EPB41L4A: variants seen among roughly 807,000 people sequenced by gnomAD.
EPB41L4A encodes the protein band 4.1-like protein 4A.
EPB41L4A carries 100 observed loss-of-function variants against 108.6 expected under a neutral mutation model. The ratio of observed to expected loss-of-function variants is 0.92; its 90% CI spans 0.78 to 1.09. The LOEUF (loss-of-function observed/expected upper bound fraction) is 1.09. Ranked by LOEUF, EPB41L4A falls within the 50% of genes least tolerant of loss-of-function variation. EPB41L4A has a pLI of 0.00. For missense variants in EPB41L4A, 1,030 were observed against 842.7 expected (o/e 1.22, Z -2.75); for synonymous variants, 319 against 289.0 (o/e 1.10, Z -1.05).
At chr5:112,395,824 A>G (rs193145269) in intron 1 of EPB41L4A, among the ~76,000 whole-genome samples, 118 of 152,368 alleles carry the variant, frequency 7.7e-4, no homozygotes, top group African/African-American at 2.8e-3. Context: ...TATTCACAAT[A>G]GCAAAGACTT....
chr5:112,194,660 G>GT lies in EPB41L4A; in HGVS notation c.1425-16dup. 6.3e-7 allele frequency: 1 copy of GT among 1,581,250 alleles called. No homozygotes were observed. Among genetic ancestry groups the GT allele is most frequent in the Non-Finnish European group, 8.6e-7 (1 of 1,164,024 alleles). ...GTGAACGTGACCTGAAGACAAAAAG[G>GT]TAAGAACAAAAGAAAAAACACACAT... On this transcript the variant is annotated splice_polypyrimidine_tract_variant and intron_variant, in intron 16 of 22. Coordinates refer to ENST00000261486, the MANE Select transcript of EPB41L4A (RefSeq NM_022140.5).
At chr5:112,310,624 T>G (rs1415931413) in intron 1 of EPB41L4A, among the ~76,000 whole-genome samples, 4 of 152,262 alleles carry the variant, frequency 2.6e-5, no homozygotes, top group African/African-American at 9.6e-5. Context: ...TCAAGTTCTT[T>G]TTGGGAATAA....
intron 1 of EPB41L4A, among the ~76,000 whole-genome samples, chr5:112,363,289 A>G (rs919685514): frequency 6.6e-6 from 1 of 152,124 alleles, no homozygotes; most frequent in African/African-American, 2.4e-5. Context: ...TTCATATTAT[A>G]TATTTTCAAT....
chr5:112,210,178 C>A (rs1015313393), intron 12 of EPB41L4A, 196 bp from the exon 13 acceptor site: 29 of 434,968 alleles, frequency 6.7e-5, no homozygotes, highest in Non-Finnish European at 1.0e-4. Flanking sequence ...AAACCCTCAA[C>A]ATAACAATGT....
At chr5:112,181,399 C>T in intron 18 of EPB41L4A, among the ~76,000 whole-genome samples, 1 of 152,002 alleles carries the variant, frequency 6.6e-6, no homozygotes, top group East Asian at 1.9e-4. Flanking sequence ...TTGCAGTGAG[C>T]CGAGACTGGC....
At chr5:112,386,066 T>C (rs1760506074) in intron 1 of EPB41L4A, among the ~76,000 whole-genome samples, 1 of 152,260 alleles carries the variant, frequency 6.6e-6, no homozygotes, top group African/African-American at 2.4e-5. Context: ...CATTCTATCT[T>C]TTTAAAGGCA....
intron 2 of EPB41L4A, among the ~76,000 whole-genome samples, chr5:112,301,742 T>C (rs1440519878): frequency 6.6e-6 from 1 of 152,164 alleles, no homozygotes; most frequent in African/African-American, 2.4e-5. Flanking sequence ...AAAATATGTT[T>C]AATAATTATT....
intron 9 of EPB41L4A, among the ~76,000 whole-genome samples, chr5:112,258,925 A>G (rs1751301369): frequency 6.6e-6 from 1 of 152,146 alleles, no homozygotes; most frequent in African/African-American, 2.4e-5. Context: ...CCTACCTTCT[A>G]CCCTCACAGA....
intron 2 of EPB41L4A, among the ~76,000 whole-genome samples, chr5:112,294,877 A>T (rs1252283626): frequency 6.6e-6 from 1 of 152,222 alleles, no homozygotes; most frequent in Non-Finnish European, 1.5e-5. Context: ...TCCCTTAGGG[A>T]GCCATTAAAT....
chr5:112,346,553 A>G (rs1372702000), intron 1 of EPB41L4A, among the ~76,000 whole-genome samples: 1 of 152,114 alleles, frequency 6.6e-6, no homozygotes, highest in East Asian at 1.9e-4. Context: ...AGAAACCAAA[A>G]GTGAAAGAAC....
intron 1 of EPB41L4A, among the ~76,000 whole-genome samples, chr5:112,350,813 T>C (rs182897044): frequency 9.8e-5 from 15 of 152,336 alleles, no homozygotes; most frequent in Middle Eastern, 3.4e-3. Context: ...CATTCTTTTT[T>C]ATAGCTGAAT....
chr5:112,297,688 T>C (rs890454304), intron 2 of EPB41L4A, among the ~76,000 whole-genome samples: 1 of 152,228 alleles, frequency 6.6e-6, no homozygotes, highest in African/African-American at 2.4e-5. Context: ...TTTGGGTTCT[T>C]GGTCATGAAA....
intron 18 of EPB41L4A, 29 bp from the exon 19 acceptor site, chr5:112,171,021 C>T (rs1160448343): frequency 1.3e-6 from 2 of 1,591,018 alleles, no homozygotes; most frequent in Admixed American, 1.7e-5. Context: ...ACATTCATCT[C>T]TGCAAACATG....
chr5:112,361,703 TAAA>T (rs200811023), intron 1 of EPB41L4A, among the ~76,000 whole-genome samples: 23 of 140,134 alleles, frequency 1.6e-4, no homozygotes, highest in African/African-American at 5.3e-4. Flanking sequence ...CCAAAAATGC[TAAA>T]AAAAAATAAT....
intron 1 of EPB41L4A, among the ~76,000 whole-genome samples, chr5:112,345,776 T>TACAC (rs1261678875): frequency 2.5e-5 from 1 of 39,662 alleles, no homozygotes; most frequent in Non-Finnish European, 5.9e-5. Context: ...TACATATATA[T>TACAC]ATATACACAC....
intron 1 of EPB41L4A, among the ~76,000 whole-genome samples, chr5:112,390,691 C>T (rs1028666538): frequency 6.6e-6 from 1 of 152,124 alleles, no homozygotes; most frequent in Admixed American, 6.5e-5. Flanking sequence ...CTGAAGAGAG[C>T]AGTGGTTCTC....
intron 9 of EPB41L4A, among the ~76,000 whole-genome samples, chr5:112,255,918 T>A (rs1751053452): frequency 6.6e-6 from 1 of 152,082 alleles, no homozygotes; most frequent in Admixed American, 6.5e-5. Context: ...CTTCCCCACC[T>A]CACCTGATGA....
chr5:112,334,580 C>T (rs981180731), intron 1 of EPB41L4A, among the ~76,000 whole-genome samples: 1 of 152,174 alleles, frequency 6.6e-6, no homozygotes, highest in African/African-American at 2.4e-5. Context: ...TACCAACTGC[C>T]AGTCAGAAAA....
At chr5:112,363,258 A>T (rs532105977) in intron 1 of EPB41L4A, among the ~76,000 whole-genome samples, 1 of 152,218 alleles carries the variant, frequency 6.6e-6, no homozygotes, top group Non-Finnish European at 1.5e-5. Context: ...TTCCCCATAT[A>T]ACTTATAAAA....
Sources: gnomAD v4.1 joint callset for allele counts (sites outside exome capture counted in the v4.1 genomes callset) on GRCh38, gnomAD v4.1.1 for gene constraint, MANE v1.5 for transcripts, NCBI Gene and HGNC (gene_info 2026-07-23, HGNC 2026-07-21) for gene names.